PDE4D: variants seen among roughly 807,000 people sequenced by gnomAD.
PDE4D encodes phosphodiesterase 4D.
Under a neutral mutation model 87.4 loss-of-function variants are expected in PDE4D, and 24 were observed. The ratio of observed to expected loss-of-function variants is 0.27; its 90% CI spans 0.20 to 0.39. PDE4D has a LOEUF of 0.39. PDE4D is among the 10% of genes least tolerant of loss of function. PDE4D has a pLI of 1.00. For synonymous variants in PDE4D, 384 were observed against 383.2 expected (o/e 1.00, Z -0.02); for missense variants, 714 against 1,041.0 (o/e 0.69, Z 4.32).
intron 1 of PDE4D, among the ~76,000 whole-genome samples, chr5:59,440,542 T>G (rs1797451233): frequency 6.6e-6 from 1 of 152,172 alleles, no homozygotes; most frequent in African/African-American, 2.4e-5. Flanking sequence ...TTGGGGAGGC[T>G]GAGGCGGGCA....
At chr5:59,789,239 T>C (rs563007541) in intron 1 of PDE4D, among the ~76,000 whole-genome samples, 1 of 152,370 alleles carries the variant, frequency 6.6e-6, no homozygotes, top group South Asian at 2.1e-4. Context: ...CAAAAACTTT[T>C]TGTTCAGAAT....
chr5:60,030,042 C>A (rs535825923), intron 2 of PDE4D, among the ~76,000 whole-genome samples: 18 of 152,332 alleles, frequency 1.2e-4, no homozygotes, highest in Admixed American at 3.9e-4. Context: ...CCATCATCAA[C>A]CATTGATGCC....
At chr5:59,374,268 G>A (rs1450701185) in intron 1 of PDE4D, among the ~76,000 whole-genome samples, 1 of 152,154 alleles carries the variant, frequency 6.6e-6, no homozygotes, top group Non-Finnish European at 1.5e-5. Flanking sequence ...CTGGTATGCT[G>A]TCTTCAAGAG....
chr5:59,415,839 C>A (rs553157400), intron 1 of PDE4D, among the ~76,000 whole-genome samples: 2 of 152,198 alleles, frequency 1.3e-5, no homozygotes, highest in Admixed American at 6.5e-5. Context: ...TTACCTATTT[C>A]TTTTTACCTT....
chr5:59,927,351 T>C (rs967049164), intron 3 of PDE4D, among the ~76,000 whole-genome samples: 1 of 152,230 alleles, frequency 6.6e-6, no homozygotes, highest in Non-Finnish European at 1.5e-5. Context: ...GAGGTTAAAT[T>C]AATATAGTGT....
At chr5:59,370,087 G>A (rs548359178) in intron 1 of PDE4D, among the ~76,000 whole-genome samples, 3 of 152,036 alleles carry the variant, frequency 2.0e-5, no homozygotes, top group Non-Finnish European at 4.4e-5. Context: ...ATCACTTCTC[G>A]CCATCTCCAC....
At chr5:60,452,150 G>A (rs765826078) in intron 1 of PDE4D, among the ~76,000 whole-genome samples, 19 of 152,028 alleles carry the variant, frequency 1.2e-4, no homozygotes, top group African/African-American at 4.3e-4. Flanking sequence ...GGATTTGGAT[G>A]TCCTATAGGC....
intron 1 of PDE4D, among the ~76,000 whole-genome samples, chr5:59,532,776 C>A (rs1040294395): frequency 1.3e-5 from 2 of 152,108 alleles, no homozygotes; most frequent in African/African-American, 4.8e-5. Flanking sequence ...ATGGCAGTAG[C>A]CTTCTTTGGT....
rs115406792 is a variant in PDE4D, at chr5:59,227,613, G to A, written c.456-11645C>T. Among the ~76,000 whole-genome samples, 532 of 152,124 alleles carry A rather than the reference G, an allele frequency of 3.5e-3. 4 individuals carry two copies. The highest frequency in any genetic ancestry group is 3.3e-3 in the Non-Finnish European group (222 of 67,962). On this transcript the variant is annotated intron_variant, in intron 1 of 14. Transcript: ENST00000340635. ...GGACATGAACATTTTTCAAAAGAAG[G>A]CATACATATGGCCAATAAGTGTATG...
chr5:60,045,447 T>A (rs1392348953), intron 2 of PDE4D, among the ~76,000 whole-genome samples: 8 of 152,246 alleles, frequency 5.3e-5, no homozygotes, highest in African/African-American at 1.9e-4. Flanking sequence ...CATGCCTATG[T>A]CCTGAATGGT....
intron 1 of PDE4D, among the ~76,000 whole-genome samples, chr5:59,366,870 C>T (rs1233238105): frequency 2.6e-5 from 4 of 152,148 alleles, no homozygotes; most frequent in Admixed American, 6.5e-5. Flanking sequence ...ATTTGAAATG[C>T]AGGTCAAGGT....
At chr5:59,556,638 T>G (rs1202283640) in intron 1 of PDE4D, among the ~76,000 whole-genome samples, 1 of 152,190 alleles carries the variant, frequency 6.6e-6, no homozygotes, top group Non-Finnish European at 1.5e-5. Context: ...GCATTTCTTT[T>G]GTTTTCCTGC....
chr5:60,028,295 A>C (rs1428366468), intron 2 of PDE4D, among the ~76,000 whole-genome samples: 4 of 151,830 alleles, frequency 2.6e-5, no homozygotes, highest in Non-Finnish European at 4.4e-5. Flanking sequence ...TTTTCCTTTC[A>C]CACTGGATAC....
At chr5:60,352,953 C>T (rs1759324397) in intron 1 of PDE4D, among the ~76,000 whole-genome samples, 1 of 152,146 alleles carries the variant, frequency 6.6e-6, no homozygotes, top group South Asian at 2.1e-4. Flanking sequence ...GCATGTGTTC[C>T]AATGGGATAT....
At chr5:60,362,546 G>T (rs1760159097) in intron 1 of PDE4D, among the ~76,000 whole-genome samples, 1 of 152,106 alleles carries the variant, frequency 6.6e-6, no homozygotes, top group Non-Finnish European at 1.5e-5. Flanking sequence ...CATGTCTTAG[G>T]GTACAGATAA....
At chr5:59,659,098 T>C (rs1399662280) in intron 1 of PDE4D, among the ~76,000 whole-genome samples, 1 of 152,218 alleles carries the variant, frequency 6.6e-6, no homozygotes, top group Non-Finnish European at 1.5e-5. Context: ...ATTTTCACCG[T>C]CAAAGGAGAT....
intron 2 of PDE4D, among the ~76,000 whole-genome samples, chr5:59,198,579 G>A (rs536350669): frequency 6.6e-6 from 1 of 152,262 alleles, no homozygotes; most frequent in East Asian, 1.9e-4. Context: ...ACTAGTCCTG[G>A]CGAGCCTTGT....
At chr5:59,755,814 T>C (rs1761131084) in intron 1 of PDE4D, among the ~76,000 whole-genome samples, 2 of 150,388 alleles carry the variant, frequency 1.3e-5, no homozygotes. Context: ...AGGTCAACAA[T>C]ACACACTTCA....
At chr5:59,295,213 G>A (rs545269444) in intron 1 of PDE4D, among the ~76,000 whole-genome samples, 2 of 152,010 alleles carry the variant, frequency 1.3e-5, no homozygotes, top group African/African-American at 4.8e-5. Flanking sequence ...ACCAAATAAC[G>A]TTTTACTATT....
Sources: allele counts gnomAD v4.1 joint callset (sites outside exome capture counted in the v4.1 genomes callset), GRCh38; gene constraint gnomAD v4.1.1; transcripts MANE v1.5; gene names NCBI Gene and HGNC (gene_info 2026-07-23, HGNC 2026-07-21).